Variants in RRAGC observed in about 807,000 individuals in gnomAD.
RRAGC encodes Ras related GTP binding C.
RRAGC carries 8 observed loss-of-function variants against 37.1 expected under a neutral mutation model. The observed-to-expected ratio is 0.22, with a 90% CI of 0.13 to 0.39. RRAGC has a LOEUF of 0.39. Ranked by LOEUF, RRAGC falls within the 10% of genes least tolerant of loss-of-function variation. RRAGC has a pLI of 1.00. For missense variants in RRAGC, 342 were observed against 497.6 expected (o/e 0.69, Z 2.98); for synonymous variants, 190 against 181.1 (o/e 1.05, Z -0.39).
At chr1:38,851,900 G>T in intron 4 of RRAGC, 143 bp from the exon 5 acceptor site, 1 of 638,708 alleles carries the variant, frequency 1.6e-6, no homozygotes, top group Non-Finnish European at 2.7e-6. Context: ...GCACTTGCTT[G>T]AGAGACTCTT....
chr1:38,839,666 T>G lies in RRAGC; in HGVS notation c.1087A>C (p.Ile363Leu). 1 of 1,614,080 alleles carries G rather than the reference T, an allele frequency of 6.2e-7. No homozygotes were observed. Among genetic ancestry groups the G allele is most frequent in the Non-Finnish European group, 8.5e-7 (1 of 1,179,978 alleles). The stretch of plus-strand genomic sequence containing the variant: ...ACACCCACCTCAAAAACCTCATGAA[T>G]AGCTTTTCGGAAACAGTGGAAGTTG... Reference protein sequence around the residue: ...DYNFHCFRKAIHEVFEVGVTS... With the variant: ...DYNFHCFRKALHEVFEVGVTS... Residue 363 changes from isoleucine (I) to leucine (L), a missense_variant, in exon 7 of 7, where the codon ATT becomes CTT. This residue lies in a region of RRAGC where 104 missense variants were observed against 127.0 expected (regional missense o/e 0.82). Coordinates refer to ENST00000373001, the MANE Select transcript of RRAGC (RefSeq NM_022157.4).
At position 38,859,508 on chromosome 1, in the gene RRAGC, C is replaced by T; in HGVS notation, c.139G>A (p.Gly47Arg). 1 of 1,547,746 alleles carries T rather than the reference C, an allele frequency of 6.5e-7. No homozygotes were observed. Among genetic ancestry groups the T allele is most frequent in the Non-Finnish European group, 8.7e-7 (1 of 1,146,622 alleles). ...AAAAGGGVGA[G>R]AGGGCGPGGA... ...CCCGGACCACAGCCACCGCCTGCCC[C>T]TGCCCCAACCCCTCCGCCCGCCGCC... Residue 47 changes from glycine (G) to arginine (R), a missense_variant, in exon 1 of 7, where the codon GGG (glycine) becomes AGG (arginine). Around this residue, in one of 3 missense-constraint regions of RRAGC, gnomAD observed 104 missense variants for 93.4 expected, o/e 1.11. Transcript: ENST00000373001.
In RRAGC at chr1:38,844,448, G is replaced by A. The variant is rs1481507859; in HGVS notation, c.1048+1491C>T. ...CTTGGCTCTGACAAACAGGACTGAG[G>A]AAAAAAAAAAAAAAAACAGAAGAAA... is the stretch of plus-strand genomic sequence containing the variant. On this transcript the variant is annotated intron_variant, in intron 6 of 6. Transcript: ENST00000373001. 5.5e-3 allele frequency among the ~76,000 whole-genome samples: 543 copies of A among 97,974 alleles called. 2 individuals carry two copies. Among genetic ancestry groups the A allele is most frequent in the African/African-American group, 0.016 (408 of 25,722 alleles). 64.3% of individuals were successfully genotyped at this position (97,974 alleles called of 152,430 possible).
intron 3 of RRAGC, among the ~76,000 whole-genome samples, chr1:38,853,931 C>T (rs979314979): frequency 1.3e-5 from 2 of 152,000 alleles, no homozygotes; most frequent in Admixed American, 6.6e-5. Flanking sequence ...AAGAATGTCC[C>T]GCACCTTTGA....
intron 5 of RRAGC, among the ~76,000 whole-genome samples, chr1:38,850,469 G>A (rs527477682): frequency 1.3e-5 from 2 of 151,748 alleles, no homozygotes; most frequent in East Asian, 1.9e-4. Context: ...AGCCAAGATC[G>A]CGCCACCACA....
At chr1:38,839,745 A>G (rs1641941147) in intron 6 of RRAGC, 41 bp from the exon 7 acceptor site, 1 of 1,594,370 alleles carries the variant, frequency 6.3e-7, no homozygotes, top group Non-Finnish European at 8.6e-7. Context: ...CTGAATTGTC[A>G]ATTGTGAAAT....
In RRAGC at chr1:38,846,038, T is replaced by C. The variant is rs151267022; in HGVS notation, c.949A>G (p.Ile317Val). 2.0e-4 allele frequency: 329 copies of C among 1,611,444 alleles called. No individual in the cohort carries two copies. The highest frequency in any genetic ancestry group is 2.5e-4 in the Non-Finnish European group (296 of 1,178,514). ...ACAGTTGTATTATTCAGCTTGATAA[T>C]TGCCATAGATTCTTTGTCATAAGCA... is the stretch of plus-strand genomic sequence containing the variant. The part of the protein sequence containing the change: ...GSAYDKESMA[I>V]IKLNNTTVLY... The change falls in exon 6 of 7, where the codon ATT becomes GTT. Residue 317 changes from isoleucine to valine, a missense_variant. Physicochemically the swap from Ile to Val is conservative, Grantham distance 29. Coordinates refer to ENST00000373001, the MANE Select transcript of RRAGC (RefSeq NM_022157.4).
rs1321556313 is a variant in RRAGC, at chr1:38,856,899, T to G, written c.421A>C (p.Ile141Leu). Residue 141 changes from isoleucine to leucine, a missense_variant, in exon 2 of 7, where the codon ATA (isoleucine) becomes CTA (leucine). Coordinates refer to ENST00000373001, the MANE Select transcript of RRAGC (RefSeq NM_022157.4). ...EMIFRGTGAL[I>L]YVIDAQDDYM... ...ACTACCTGTGCGTCAATGACGTATA[T>G]CAATGCTCCTGTTCCCCTGAAGATC... The G allele has an allele frequency of 5.0e-6, 8 of 1,614,040 alleles. No homozygotes were observed. The highest frequency in any genetic ancestry group is 6.8e-6 in the Non-Finnish European group (8 of 1,180,014).
intron 2 of RRAGC, 141 bp from the exon 3 acceptor site, chr1:38,856,048 A>G: frequency 3.8e-6 from 2 of 520,416 alleles, no homozygotes; most frequent in Non-Finnish European, 6.7e-6. Context: ...CAAATATACT[A>G]TACTACTAAA....
intron 1 of RRAGC, 112 bp from the exon 2 acceptor site, chr1:38,857,194 T>G: frequency 1.3e-6 from 1 of 753,410 alleles, no homozygotes. Flanking sequence ...AAATTTTTTT[T>G]GAAAAGTAGA....
chr1:38,854,057 A>G (rs1570869114), intron 3 of RRAGC, among the ~76,000 whole-genome samples: 1 of 143,408 alleles, frequency 7.0e-6, no homozygotes, highest in Non-Finnish European at 1.5e-5. Flanking sequence ...CTAGTACTAA[A>G]TAAAAGTCTT....
intron 6 of RRAGC, among the ~76,000 whole-genome samples, chr1:38,840,381 A>G (rs1054860724): frequency 2.6e-5 from 4 of 152,218 alleles, no homozygotes; most frequent in African/African-American, 9.6e-5. Flanking sequence ...TGATTTGATG[A>G]AAGTCAGTAA....
At chr1:38,841,181 C>CT (rs1197014826) in intron 6 of RRAGC, among the ~76,000 whole-genome samples, 6 of 152,074 alleles carry the variant, frequency 3.9e-5, no homozygotes, top group African/African-American at 1.4e-4. Context: ...GTTTTCTCTA[C>CT]TTTTTTATAT....
chr1:38,858,994 G>C (rs1422115194), intron 1 of RRAGC, among the ~76,000 whole-genome samples: 1 of 152,212 alleles, frequency 6.6e-6, no homozygotes. Context: ...TGCTCCCTGG[G>C]GCTCTGCTGG....
chr1:38,855,253 G>A (rs1642154209), intron 3 of RRAGC, among the ~76,000 whole-genome samples: 2 of 152,158 alleles, frequency 1.3e-5, no homozygotes. Flanking sequence ...AAAATAAAAA[G>A]AGTCAGTCCA....
At position 38,855,876 on chromosome 1, in the gene RRAGC, T is replaced by A; in HGVS notation, c.473A>T (p.His158Leu). The A allele has an allele frequency of 4.3e-6, 7 of 1,613,802 alleles. No individual in the cohort carries two copies. The highest frequency in any genetic ancestry group is 5.9e-6 in the Non-Finnish European group (7 of 1,179,738). The change falls in exon 3 of 7, where the codon CAC (histidine) becomes CTC (leucine). Residue 158 changes from histidine (H) to leucine (L), a missense_variant. Transcript: ENST00000373001. Reference sequence around the variant, plus strand: ...TTTGTAGGCTTTAGAAACAGTAATGTGAAGTCTTGTTAAAGCCTCCATGTA... The same window carrying A: ...TTTGTAGGCTTTAGAAACAGTAATGAGAAGTCTTGTTAAAGCCTCCATGTA... ...DDYMEALTRLHITVSKAYKVN... is the reference protein window; with the variant it reads ...DDYMEALTRLLITVSKAYKVN...
chr1:38,851,806 T>C, intron 4 of RRAGC, 49 bp from the exon 5 acceptor site: 3 of 1,515,994 alleles, frequency 2.0e-6, no homozygotes, highest in Non-Finnish European at 9.1e-7. Flanking sequence ...AGAATCACAA[T>C]TTACAACTTA....
chr1:38,851,893 C>G lies in RRAGC; in HGVS notation c.757-136G>C, dbSNP rs111341009. The G allele has an allele frequency of 1.0e-4, 68 of 673,926 alleles. No individual in the cohort carries two copies. In the African/African-American group the frequency reaches 1.2e-3, roughly 12 times the overall value. The allele number at this position is 673,926 out of a possible 1,614,324, so 41.7% of individuals were successfully genotyped here. A position where few individuals can be genotyped will look rare whatever the true frequency, so the allele number is the denominator to read the frequency against. On this transcript the variant is annotated intron_variant, in intron 4 of 6. Transcript: ENST00000373001. Reference sequence around the variant, plus strand: ...ACCCAATACCAAAAAACAAATAGCACTTGCTTGAGAGACTCTTCTATTATC... The same window carrying G: ...ACCCAATACCAAAAAACAAATAGCAGTTGCTTGAGAGACTCTTCTATTATC...
At chr1:38,853,396 A>G (rs1476486282) in intron 3 of RRAGC, among the ~76,000 whole-genome samples, 2 of 152,204 alleles carry the variant, frequency 1.3e-5, no homozygotes, top group Non-Finnish European at 2.9e-5. Flanking sequence ...AGTCGCATCC[A>G]CCACACATTT....
Sources: allele counts gnomAD v4.1 joint callset (sites outside exome capture counted in the v4.1 genomes callset), GRCh38; gene constraint gnomAD v4.1.1; regional missense constraint gnomAD v4.1.1; transcripts MANE v1.5; gene names NCBI Gene and HGNC (gene_info 2026-07-23, HGNC 2026-07-21).